C4orf50: variants seen among roughly 807,000 people sequenced by gnomAD.
The protein encoded by C4orf50 is chromosome 4 open reading frame 50.
A neutral mutation model predicts 77.2 loss-of-function variants in C4orf50; 80 were observed. The observed-to-expected ratio is 1.04, with a 90% CI of 0.87 to 1.25. C4orf50 has a LOEUF of 1.25. C4orf50 is among the 50% of genes most tolerant of loss of function. C4orf50 has a pLI of 0.00. For synonymous variants in C4orf50, 532 were observed against 465.3 expected (o/e 1.14, Z -1.84); for missense variants, 1,257 against 1,152.9 (o/e 1.09, Z -1.31).
Position 6,011,263 on chromosome 4 carries a change from C to A in C4orf50, c.426+567G>T, listed in dbSNP as rs1011120911. On this transcript the variant is annotated intron_variant, in intron 24 of 33. Transcript: ENST00000531445. This position sits in a 1 kb window ranked among gnomAD's most constrained non-coding sequence, Gnocchi z 4.2. ...CAGCGGAGTTGGCCACCTGGCCCCT[C>A]TGGAACTTTCCGACTCACCCACTCC... Among the ~76,000 whole-genome samples, 2 of 152,200 alleles carry A rather than the reference C, an allele frequency of 1.3e-5. No individual in the cohort carries two copies. Among genetic ancestry groups the A allele is most frequent in the Non-Finnish European group, 2.9e-5 (2 of 68,026 alleles).
chr4:5,997,212 G>C (rs6446434), intron 25 of C4orf50, among the ~76,000 whole-genome samples: 13,059 of 152,256 alleles, frequency 0.086, 974 homozygotes, highest in African/African-American at 0.2. Flanking sequence ...ATGGTTACTG[G>C]TGGTATATTT....
At chr4:5,973,544 T>A in intron 31 of C4orf50, 115 bp downstream of exon 9, 1 of 882,868 alleles carries the variant, frequency 1.1e-6, no homozygotes. Flanking sequence ...TTGGGTAGTG[T>A]CCGCGGTGGG....
chr4:5,976,440 A>G (rs1199257368), intron 29 of C4orf50, among the ~76,000 whole-genome samples: 1 of 133,722 alleles, frequency 7.5e-6, no homozygotes, highest in Non-Finnish European at 1.5e-5. Flanking sequence ...TGGGCGAGAG[A>G]GCGAGGCTCT....
intron 28 of C4orf50, among the ~76,000 whole-genome samples, chr4:5,987,412 C>CAAAAAAAAAAAAAAAAAAAAAAAAAAAA (rs58512584): frequency 5.9e-5 from 2 of 33,648 alleles, no homozygotes; most frequent in African/African-American, 9.2e-5. Context: ...CTCTGTCTCA[C>CAAAAAAAAAAAAAAAAAAAAAAAAAAAA]AAAAAAAAAA....
chr4:6,014,176 A>G (rs539929296), intron 23 of C4orf50, among the ~76,000 whole-genome samples: 128 of 151,952 alleles, frequency 8.4e-4, no homozygotes, highest in African/African-American at 2.9e-3. Flanking sequence ...CTAATTTTGT[A>G]TTTTTAGTAG....
chr4:5,953,359 A>G (rs923616273), downstream of C4orf50, among the ~76,000 whole-genome samples: 3 of 152,302 alleles, frequency 2.0e-5, no homozygotes, highest in East Asian at 5.8e-4. Context: ...GAGAGGTTAA[A>G]TGACTCACCT....
chr4:6,002,359 G>A (rs575749678), intron 25 of C4orf50, among the ~76,000 whole-genome samples: 2 of 152,284 alleles, frequency 1.3e-5, no homozygotes, highest in East Asian at 1.9e-4. Context: ...CTTGATTTCC[G>A]ACTTCTGGCT....
Position 5,970,148 on chromosome 4 carries a change from GA to G in C4orf50, c.4105-2687del, listed in dbSNP as rs35111334. Among the ~76,000 whole-genome samples the G allele has an allele frequency of 0.39, 55,361 of 143,758 alleles. 11,838 individuals are homozygous for G. The highest frequency in any genetic ancestry group is 0.51 in the Non-Finnish European group (33,485 of 66,038). 94.3% of individuals were successfully genotyped at this position (143,758 alleles called of 152,430 possible). A position where few individuals can be genotyped will look rare whatever the true frequency, so the allele number is the denominator to read the frequency against. Reference sequence around the variant, plus strand: ...CAGCGTAGGTCCAGGCAAAACACAGGAAAAAAAAAAAAAGGCCCACTGGGGC... The same window carrying G: ...CAGCGTAGGTCCAGGCAAAACACAGGAAAAAAAAAAAAGGCCCACTGGGGC... On this transcript the variant is annotated intron_variant, in intron 31 of 33. Coordinates refer to ENST00000531445, the Ensembl canonical transcript of C4orf50. This position sits in a 1 kb window ranked among gnomAD's most constrained non-coding sequence, Gnocchi z 4.3.
intron 29 of C4orf50, among the ~76,000 whole-genome samples, chr4:5,976,325 G>T (rs1323695404): frequency 1.3e-5 from 2 of 151,950 alleles, no homozygotes; most frequent in African/African-American, 4.8e-5. Context: ...GTGTGGTGGT[G>T]GGCACCTGTA....
rs544090704 is a variant in C4orf50, at chr4:6,016,168, C to A, written c.287+1977G>T. Among the ~76,000 whole-genome samples the A allele has an allele frequency of 8.5e-5, 13 of 152,278 alleles. No individual in the cohort carries two copies. In the South Asian group the frequency reaches 2.7e-3, roughly 32 times the overall value. ...GTTTAACATTAGAAGTGTTTGGGGT[C>A]TTTATCTCAAAGTTTGGTGATGTTT... On this transcript the variant is annotated intron_variant, in intron 23 of 33. Coordinates refer to ENST00000531445, the Ensembl canonical transcript of C4orf50.
intron 33 of C4orf50, among the ~76,000 whole-genome samples, chr4:5,963,156 AC>A (rs1354717031): frequency 6.6e-6 from 1 of 151,706 alleles, no homozygotes; most frequent in East Asian, 1.9e-4. Flanking sequence ...GTACCACCAT[AC>A]CCAGCTAATT....
intron 25 of C4orf50, among the ~76,000 whole-genome samples, chr4:6,003,282 A>G (rs1721918744): frequency 1.3e-5 from 2 of 152,226 alleles, no homozygotes; most frequent in South Asian, 4.1e-4. Context: ...ACTCACATCT[A>G]AACTGTTCCA....
In C4orf50 at chr4:6,003,781, T is replaced by G. The variant is rs1251619200; in HGVS notation, c.963+4215A>C. ...GATGTGATAGTGATGATGGTGATGA[T>G]GGTGATGGTGATGATGGTGATGGTG... On this transcript the variant is annotated intron_variant, in intron 25 of 33. Transcript: ENST00000531445. 5.6e-4 allele frequency among the ~76,000 whole-genome samples: 78 copies of G among 140,198 alleles called. 1 individual carries two copies. The East Asian group carries it at 0.016, about 30-fold the overall frequency. The allele number at this position is 140,198 out of a possible 152,430, so 92.0% of individuals were successfully genotyped here. A position where few individuals can be genotyped will look rare whatever the true frequency, so the allele number is the denominator to read the frequency against.
At chr4:5,923,995 C>T (rs1717401386) in intron 7 of C4orf50, among the ~76,000 whole-genome samples, 1 of 152,132 alleles carries the variant, frequency 6.6e-6, no homozygotes, top group Non-Finnish European at 1.5e-5. Flanking sequence ...TGGATGCTTC[C>T]CGCTCCTGAA....
At chr4:5,975,671 C>G (rs1223012915) in intron 30 of C4orf50, among the ~76,000 whole-genome samples, 2 of 151,986 alleles carry the variant, frequency 1.3e-5, no homozygotes. Flanking sequence ...TGCCATCACG[C>G]CTGTATGGGA....
intron 26 of C4orf50, among the ~76,000 whole-genome samples, chr4:5,993,765 C>T (rs747971565): frequency 6.0e-5 from 9 of 149,546 alleles, no homozygotes; most frequent in South Asian, 4.2e-4. Flanking sequence ...TGCAGTGAGC[C>T]GAGATCACAC....
At chr4:5,997,458 C>T (rs1161864162) in intron 25 of C4orf50, among the ~76,000 whole-genome samples, 1 of 152,176 alleles carries the variant, frequency 6.6e-6, no homozygotes, top group African/African-American at 2.4e-5. Flanking sequence ...GAAGGCAGTA[C>T]TCAGAGAGGG....
chr4:5,999,828 T>A (rs566348379), intron 25 of C4orf50, among the ~76,000 whole-genome samples: 9 of 151,956 alleles, frequency 5.9e-5, no homozygotes, highest in African/African-American at 1.9e-4. Flanking sequence ...TCCCAACAAA[T>A]AAAGAGAAAG....
At position 5,908,331 on chromosome 4, in the gene C4orf50, G is replaced by C. The variant is rs185660692; in HGVS notation, c.*2475-10143C>G. Among the ~76,000 whole-genome samples, 17 of 152,272 alleles carry C rather than the reference G, an allele frequency of 1.1e-4. No homozygotes were observed. The East Asian group carries it at 3.1e-3, about 28-fold the overall frequency. ...GAAAGCTGACTGAGACATTATGACA[G>C]GGTACATGCAGGAAGCTCACTGCAC... is the stretch of plus-strand genomic sequence containing the variant. On this transcript the variant is annotated intron_variant, in intron 7 of 7. Transcript: ENST00000324058. The surrounding 1 kb of genome is among the most constrained non-coding windows in gnomAD (Gnocchi z 5.6).
Sources: gnomAD v4.1 joint callset for allele counts (sites outside exome capture counted in the v4.1 genomes callset) on GRCh38, gnomAD v4.1.1 for gene constraint, Gnocchi (gnomAD v3.1) non-coding constraint, MANE v1.5 for transcripts, NCBI Gene and HGNC (gene_info 2026-07-23, HGNC 2026-07-21) for gene names.